Variants in ANO3 observed in about 807,000 individuals in gnomAD.
ANO3 encodes anoctamin-3.
ANO3 carries 99 observed loss-of-function variants against 144.8 expected under a neutral mutation model. The ratio of observed to expected loss-of-function variants is 0.68; its 90% CI spans 0.58 to 0.81. ANO3 has a LOEUF of 0.81. Among genes scored for constraint, ANO3 ranks in the 30% least tolerant of loss-of-function variants. ANO3 has a pLI of 0.00. For missense variants in ANO3, 905 were observed against 1,202.2 expected, an observed-to-expected ratio of 0.75 and a Z score of 3.66; for synonymous variants, 414 against 392.6, an observed-to-expected ratio of 1.05 and a Z score of -0.64.
At chr11:26,587,830 C>T (rs568238727) in intron 14 of ANO3, among the ~76,000 whole-genome samples, 3 of 151,746 alleles carry the variant, frequency 2.0e-5, no homozygotes, top group East Asian at 3.9e-4. Flanking sequence ...GTGGTGTGCA[C>T]CTCTAGTCTC....
upstream of ANO3, chr11:26,331,371 C>T (rs937815872): frequency 1.3e-5 from 2 of 152,172 alleles, no homozygotes; most frequent in Admixed American, 1.3e-4. Flanking sequence ...AATAAAACTT[C>T]TCAAACTAAA....
At chr11:26,264,666 C>A (rs185206377) in intron 1 of ANO3, among the ~76,000 whole-genome samples, 1 of 152,092 alleles carries the variant, frequency 6.6e-6, no homozygotes, top group African/African-American at 2.4e-5. Flanking sequence ...ACTAGAAGTT[C>A]AAGATCATGG....
chr11:26,258,134 G>C (rs1228767504), intron 1 of ANO3, among the ~76,000 whole-genome samples: 1 of 152,090 alleles, frequency 6.6e-6, no homozygotes, highest in African/African-American at 2.4e-5. Context: ...TTTCAGCAGA[G>C]TAAAATTGAG....
chr11:26,329,321 CACACACAGAG>C (rs1229444082), upstream of ANO3, among the ~76,000 whole-genome samples: 6 of 75,320 alleles, frequency 8.0e-5, no homozygotes, highest in African/African-American at 1.1e-4. Context: ...CACACACACA[CACACACAGAG>C]AGAGAGAGAG....
chr11:26,395,245 C>T (rs1457970025), intron 1 of ANO3, among the ~76,000 whole-genome samples: 1 of 151,964 alleles, frequency 6.6e-6, no homozygotes, highest in Non-Finnish European at 1.5e-5. Flanking sequence ...TTAGGATTGT[C>T]TTGGCTATAT....
chr11:26,489,989 T>C (rs554018506), intron 4 of ANO3, among the ~76,000 whole-genome samples: 3 of 152,272 alleles, frequency 2.0e-5, no homozygotes, highest in East Asian at 1.9e-4. Context: ...GAAGGCATGA[T>C]TGGTTTTAAA....
At chr11:26,627,844 T>TGTGTGTGTGTGTGC (rs1297965411) in intron 18 of ANO3, among the ~76,000 whole-genome samples, 3 of 144,150 alleles carry the variant, frequency 2.1e-5, no homozygotes, top group African/African-American at 8.1e-5. Context: ...TGTGTGTGTG[T>TGTGTGTGTGTGTGC]GTGTGTGTGT....
intron 1 of ANO3, among the ~76,000 whole-genome samples, chr11:26,366,317 C>T (rs1193844943): frequency 6.6e-6 from 1 of 152,132 alleles, no homozygotes. Flanking sequence ...CTACAAAGGA[C>T]ATGAACTCAT....
chr11:26,445,569 G>C (rs1858672696), intron 3 of ANO3, among the ~76,000 whole-genome samples: 1 of 151,868 alleles, frequency 6.6e-6, no homozygotes, highest in African/African-American at 2.4e-5. Flanking sequence ...TCCAGGCACT[G>C]TATCTCGTAT....
chr11:26,632,117 G>T (rs764583932), intron 18 of ANO3, among the ~76,000 whole-genome samples: 4 of 151,810 alleles, frequency 2.6e-5, no homozygotes, highest in Admixed American at 2.6e-4. Flanking sequence ...TCTCGAACCC[G>T]GGAGGTGGAG....
intron 13 of ANO3, among the ~76,000 whole-genome samples, chr11:26,554,465 A>T (rs1850027615): frequency 6.6e-6 from 1 of 152,132 alleles, no homozygotes. Context: ...TGGTTGGATC[A>T]TGTGATAGGT....
intron 1 of ANO3, among the ~76,000 whole-genome samples, chr11:26,204,805 G>A (rs1216587359): frequency 6.6e-6 from 1 of 152,168 alleles, no homozygotes; most frequent in African/African-American, 2.4e-5. Context: ...TGTGCTAAGG[G>A]AATCAGATGT....
At chr11:26,241,975 C>T (rs997772075) in intron 1 of ANO3, among the ~76,000 whole-genome samples, 1 of 152,092 alleles carries the variant, frequency 6.6e-6, no homozygotes, top group South Asian at 2.1e-4. Context: ...AAATAGAGAG[C>T]TTTCAAGGAA....
chr11:26,198,980 A>G (rs1156522872), intron 1 of ANO3, among the ~76,000 whole-genome samples: 1 of 152,222 alleles, frequency 6.6e-6, no homozygotes, highest in Non-Finnish European at 1.5e-5. Flanking sequence ...CAAAAGATGC[A>G]TGTTCTAAAG....
chr11:26,485,518 T>C (rs1217632986), intron 4 of ANO3, among the ~76,000 whole-genome samples: 1 of 152,184 alleles, frequency 6.6e-6, no homozygotes, highest in Non-Finnish European at 1.5e-5. Flanking sequence ...TGCAGAACTG[T>C]GAACCTATTA....
At chr11:26,207,232 A>C (rs968091459) in intron 1 of ANO3, among the ~76,000 whole-genome samples, 1 of 152,214 alleles carries the variant, frequency 6.6e-6, no homozygotes, top group Non-Finnish European at 1.5e-5. Context: ...TCAATAAAGA[A>C]GGCAGGAGAA....
intron 4 of ANO3, among the ~76,000 whole-genome samples, chr11:26,499,039 G>A (rs1364649202): frequency 2.0e-5 from 3 of 151,852 alleles, no homozygotes; most frequent in Non-Finnish European, 4.4e-5. Context: ...CTTTCCAGTT[G>A]ATGGACTATT....
intron 3 of ANO3, among the ~76,000 whole-genome samples, chr11:26,447,203 C>A (rs1257113360): frequency 2.5e-5 from 2 of 79,666 alleles, no homozygotes; most frequent in East Asian, 7.8e-4. Context: ...TGGGACTCTG[C>A]CTCAAAAAAA....
At chr11:26,330,166 C>G (rs1394144314), upstream of ANO3, among the ~76,000 whole-genome samples, 1 of 152,128 alleles carries the variant, frequency 6.6e-6, no homozygotes, top group Non-Finnish European at 1.5e-5. Context: ...AATTCATTGT[C>G]TAATCCTCAC....
Sources: gnomAD v4.1 joint callset for allele counts (sites outside exome capture counted in the v4.1 genomes callset) on GRCh38, gnomAD v4.1.1 for gene constraint, MANE v1.5 for transcripts, NCBI Gene and HGNC (gene_info 2026-07-23, HGNC 2026-07-21) for gene names.